The following NELL2 variants were observed in gnomAD, a reference collection of about 807,000 sequenced individuals.
NELL2 encodes the protein protein kinase C-binding protein NELL2.
In NELL2, 41 loss-of-function variants were observed where a neutral mutation model predicts 109.6. The ratio of observed to expected loss-of-function variants is 0.37; its 90% CI spans 0.29 to 0.49. NELL2 has a LOEUF of 0.49. NELL2 is among the 20% of genes least tolerant of loss of function. NELL2 has a pLI of 0.98. For synonymous variants in NELL2, 355 were observed against 344.7 expected (o/e 1.03, Z -0.33); for missense variants, 900 against 1,008.3 (o/e 0.89, Z 1.45).
chr12:44,918,927 T>C (rs1300928351), upstream of NELL2, among the ~76,000 whole-genome samples: 1 of 152,138 alleles, frequency 6.6e-6, no homozygotes, highest in Admixed American at 6.5e-5. Flanking sequence ...TCCCCTCTTA[T>C]TGAGGATATG....
intron 13 of NELL2, among the ~76,000 whole-genome samples, chr12:44,629,402 G>T (rs780956927): frequency 2.0e-5 from 3 of 152,108 alleles, no homozygotes; most frequent in Non-Finnish European, 4.4e-5. Flanking sequence ...AAAATATGAA[G>T]ACTCAGGTAA....
chr12:44,656,191 A>C (rs1157764079), intron 13 of NELL2, among the ~76,000 whole-genome samples: 1 of 152,202 alleles, frequency 6.6e-6, no homozygotes, highest in Non-Finnish European at 1.5e-5. Context: ...AGTATTGTGA[A>C]ACCCTGAATG....
intron 9 of NELL2, among the ~76,000 whole-genome samples, chr12:44,749,280 G>A (rs535256367): frequency 2.0e-5 from 3 of 152,214 alleles, no homozygotes; most frequent in Admixed American, 2.0e-4. Context: ...TGCATTATCA[G>A]CTTTTTAAAA....
intron 19 of NELL2, among the ~76,000 whole-genome samples, chr12:44,518,734 C>T (rs1941392637): frequency 6.6e-6 from 1 of 152,148 alleles, no homozygotes; most frequent in South Asian, 2.1e-4. Flanking sequence ...GGACTCAACT[C>T]TATTTGGTAA....
chr12:44,754,661 A>G lies in NELL2; in HGVS notation c.994+20086T>C, dbSNP rs557443229. On this transcript the variant is annotated intron_variant, in intron 9 of 19. Coordinates refer to ENST00000429094, the MANE Select transcript of NELL2 (RefSeq NM_001145108.2). ...GGTATATTGGAAAAAAGATAAAATGACTGCTATTTATGGAAGATGATTGAC... is the reference window on the plus strand; with the variant it reads ...GGTATATTGGAAAAAAGATAAAATGGCTGCTATTTATGGAAGATGATTGAC... 3.3e-5 allele frequency among the ~76,000 whole-genome samples: 5 copies of G among 152,314 alleles called. No homozygotes were observed. The South Asian group carries it at 1.0e-3, about 32-fold the overall frequency.
chr12:44,609,110 G>A (rs1480664108), intron 14 of NELL2, among the ~76,000 whole-genome samples: 1 of 151,620 alleles, frequency 6.6e-6, no homozygotes, highest in Non-Finnish European at 1.5e-5. Flanking sequence ...CATGGTGTTT[G>A]TTTTTTGTTT....
intron 2 of NELL2, among the ~76,000 whole-genome samples, chr12:44,843,525 T>TA (rs1944286996): frequency 6.6e-6 from 1 of 152,252 alleles, no homozygotes; most frequent in African/African-American, 2.4e-5. Context: ...ATAAGCCTGC[T>TA]ATTCTACTTC....
intron 15 of NELL2, among the ~76,000 whole-genome samples, chr12:44,591,433 T>C (rs920408238): frequency 3.9e-5 from 6 of 151,982 alleles, no homozygotes; most frequent in African/African-American, 1.5e-4. Flanking sequence ...CATGATGGAA[T>C]ACTACTCAGC....
chr12:44,529,728 G>A (rs180715911), intron 16 of NELL2, among the ~76,000 whole-genome samples: 1 of 152,192 alleles, frequency 6.6e-6, no homozygotes, highest in Non-Finnish European at 1.5e-5. Flanking sequence ...GATAGTAACT[G>A]ATCAGTTAAT....
chr12:44,876,533 C>T (rs1056043316), upstream of NELL2: 3 of 1,431,882 alleles, frequency 2.1e-6, no homozygotes, highest in East Asian at 2.6e-5. Flanking sequence ...ATGACCCGGG[C>T]AATGCCAACC....
Position 44,508,543 on chromosome 12 carries a change from T to G in NELL2, c.*391A>C, listed in dbSNP as rs1940830672. The G allele has an allele frequency of 6.0e-6, 1 of 166,564 alleles. No homozygotes were observed. The highest frequency in any genetic ancestry group is 2.4e-5 in the African/African-American group (1 of 41,884). 10.3% of individuals were successfully genotyped at this position (166,564 alleles called of 1,614,324 possible). A position where few individuals can be genotyped will look rare whatever the true frequency, so the allele number is the denominator to read the frequency against. The stretch of plus-strand genomic sequence containing the variant: ...ATAATTCATTCACTGCCTGACATTT[T>G]ATTTCTTGCAGTGAGGAACCTAACT... On this transcript the variant is annotated 3_prime_UTR_variant, in exon 20 of 20. Transcript: ENST00000429094.
At chr12:44,648,072 G>A (rs1592266018) in intron 13 of NELL2, among the ~76,000 whole-genome samples, 1 of 152,246 alleles carries the variant, frequency 6.6e-6, no homozygotes, top group African/African-American at 2.4e-5. Context: ...CACTATGCTT[G>A]GAGGGGGCTC....
chr12:44,757,548 T>C (rs756297996), intron 9 of NELL2, among the ~76,000 whole-genome samples: 1 of 152,106 alleles, frequency 6.6e-6, no homozygotes, highest in African/African-American at 2.4e-5. Context: ...AGATACAATA[T>C]ACCATACATC....
At chr12:44,876,908 C>T, upstream of NELL2, 1 of 1,253,344 alleles carries the variant, frequency 8.0e-7, no homozygotes, top group Non-Finnish European at 1.0e-6. Flanking sequence ...GGAGAGGTTC[C>T]CTGCCGGGGG....
At chr12:44,598,619 A>G (rs541900298) in intron 15 of NELL2, among the ~76,000 whole-genome samples, 1 of 152,284 alleles carries the variant, frequency 6.6e-6, no homozygotes, top group South Asian at 2.1e-4. Context: ...TGAGACCTGC[A>G]TAACCTGAAA....
intron 10 of NELL2, among the ~76,000 whole-genome samples, chr12:44,713,441 A>T (rs2408044): frequency 0.062 from 9,479 of 151,788 alleles, 397 homozygotes; most frequent in Non-Finnish European, 0.091. Context: ...CAATTCTTTT[A>T]TCTATTGTGA....
chr12:44,594,650 T>C (rs1944889433), intron 15 of NELL2, among the ~76,000 whole-genome samples: 1 of 152,198 alleles, frequency 6.6e-6, no homozygotes, highest in South Asian at 2.1e-4. Context: ...CCCTCCTATT[T>C]GCCTGTCAAG....
At chr12:44,779,114 T>A (rs1941860073) in intron 5 of NELL2, among the ~76,000 whole-genome samples, 1 of 152,212 alleles carries the variant, frequency 6.6e-6, no homozygotes, top group Admixed American at 6.5e-5. Context: ...TTAAATGACA[T>A]GTCCCTTAGA....
At chr12:44,743,923 T>C (rs1470412236) in intron 9 of NELL2, among the ~76,000 whole-genome samples, 7 of 152,104 alleles carry the variant, frequency 4.6e-5, no homozygotes, top group Non-Finnish European at 1.0e-4. Flanking sequence ...TACCCAGGAA[T>C]TGAACTCAGC....
Sources: allele counts gnomAD v4.1 joint callset (sites outside exome capture counted in the v4.1 genomes callset), GRCh38; gene constraint gnomAD v4.1.1; transcripts MANE v1.5; gene names NCBI Gene and HGNC (gene_info 2026-07-23, HGNC 2026-07-21).